The following TIAM1 variants were observed in gnomAD, a reference collection of about 807,000 sequenced individuals.
The protein encoded by TIAM1 is TIAM Rac1 associated GEF 1.
Under a neutral mutation model 163.5 loss-of-function variants are expected in TIAM1, and 65 were observed. That is an observed-to-expected ratio of 0.40 (90% CI 0.33 to 0.49). TIAM1 has a LOEUF of 0.49. Among genes scored for constraint, TIAM1 ranks in the 20% least tolerant of loss-of-function variants. The probability of loss-of-function intolerance (pLI) is 0.77; values close to 1 mark genes in which losing one functional copy is unlikely to be tolerated. For synonymous variants in TIAM1, 833 were observed against 810.1 expected (o/e 1.03, Z -0.48); for missense variants, 1,789 against 2,044.7 (o/e 0.87, Z 2.41).
intron 1 of TIAM1, among the ~76,000 whole-genome samples, chr21:31,489,336 C>G (rs1021530686): frequency 2.7e-5 from 3 of 110,872 alleles, no homozygotes; most frequent in Non-Finnish European, 5.2e-5. Context: ...CACCACTGCA[C>G]TCCAGTGTTG....
chr21:31,543,584 G>C (rs952991716), intron 1 of TIAM1, among the ~76,000 whole-genome samples: 60 of 152,316 alleles, frequency 3.9e-4, no homozygotes, highest in African/African-American at 1.4e-3. Flanking sequence ...GAGGAAAACT[G>C]TAAGAAGATG....
chr21:31,221,005 T>C (rs2087525483), intron 8 of TIAM1, among the ~76,000 whole-genome samples: 1 of 152,142 alleles, frequency 6.6e-6, no homozygotes, highest in African/African-American at 2.4e-5. Flanking sequence ...TACCCAGCCC[T>C]GTTACCCTCA....
chr21:31,282,517 T>C (rs998380850), intron 2 of TIAM1, among the ~76,000 whole-genome samples: 2 of 152,176 alleles, frequency 1.3e-5, no homozygotes, highest in African/African-American at 4.8e-5. Flanking sequence ...TCACAGCTGA[T>C]TGTAGCTGGG....
intron 2 of TIAM1, among the ~76,000 whole-genome samples, chr21:31,401,396 T>C (rs976493990): frequency 1.3e-5 from 2 of 152,136 alleles, no homozygotes; most frequent in Non-Finnish European, 2.9e-5. Flanking sequence ...AAGCTAACAC[T>C]AGGCAAGAAA....
intron 1 of TIAM1, among the ~76,000 whole-genome samples, chr21:31,543,839 T>A (rs1349218642): frequency 1.3e-5 from 2 of 152,190 alleles, no homozygotes; most frequent in Non-Finnish European, 2.9e-5. Flanking sequence ...AGGTGGCGTA[T>A]CAGAGCTAAG....
chr21:31,468,535 G>C (rs994269345), intron 1 of TIAM1, among the ~76,000 whole-genome samples: 8 of 151,304 alleles, frequency 5.3e-5, no homozygotes, highest in African/African-American at 1.9e-4. Flanking sequence ...CCAGCACTTT[G>C]GGAGACCAAA....
chr21:31,371,257 C>T (rs933698998), intron 2 of TIAM1, among the ~76,000 whole-genome samples: 6 of 152,164 alleles, frequency 3.9e-5, no homozygotes, highest in African/African-American at 4.8e-5. Flanking sequence ...CCGGTTCTGC[C>T]GACTCTCCTT....
chr21:31,154,145 A>C, intron 17 of TIAM1, 102 bp downstream of exon 17: 1 of 1,317,232 alleles, frequency 7.6e-7, no homozygotes, highest in East Asian at 2.4e-5. Context: ...GACGCTCTTC[A>C]TGAACACAGT....
chr21:31,295,338 C>T (rs557754058), intron 2 of TIAM1, among the ~76,000 whole-genome samples: 9 of 152,092 alleles, frequency 5.9e-5, no homozygotes, highest in East Asian at 3.9e-4. Context: ...GGCGTGGTGG[C>T]AGGCACCTGT....
chr21:31,382,046 A>G (rs973878236), intron 2 of TIAM1, among the ~76,000 whole-genome samples: 9 of 152,208 alleles, frequency 5.9e-5, no homozygotes, highest in Admixed American at 2.6e-4. Context: ...ACTGCCTAAG[A>G]CAAAGACCAA....
chr21:31,394,728 T>TCTTACA (rs1279053911), intron 2 of TIAM1, among the ~76,000 whole-genome samples: 1 of 95,704 alleles, frequency 1.0e-5, no homozygotes, highest in Non-Finnish European at 2.1e-5. Context: ...TCTCTCTCTC[T>TCTTACA]CACACACACA....
chr21:31,245,689 A>AGCT, intron 5 of TIAM1, 29 bp from the exon 6 acceptor site: 1 of 1,473,396 alleles, frequency 6.8e-7, no homozygotes, highest in South Asian at 1.5e-5. Context: ...GGTGTGCATG[A>AGCT]GTATTCAGTG....
At chr21:31,215,573 A>AAAG (rs1444028859) in intron 9 of TIAM1, among the ~76,000 whole-genome samples, 1 of 150,330 alleles carries the variant, frequency 6.7e-6, no homozygotes, top group African/African-American at 2.5e-5. Context: ...AAAAAGAAAA[A>AAAG]AAAAAAAAAA....
chr21:31,492,871 G>T (rs545905754), intron 1 of TIAM1, among the ~76,000 whole-genome samples: 75 of 150,874 alleles, frequency 5.0e-4, no homozygotes, highest in African/African-American at 1.8e-3. Context: ...GATTCCAAAA[G>T]AAGGTACATA....
intron 4 of TIAM1, among the ~76,000 whole-genome samples, chr21:31,253,274 A>T (rs1391868052): frequency 6.6e-6 from 1 of 152,242 alleles, no homozygotes; most frequent in African/African-American, 2.4e-5. Flanking sequence ...ATGCCAAAGT[A>T]ATACACAGTT....
At chr21:31,256,244 A>C (rs1475771130) in intron 4 of TIAM1, among the ~76,000 whole-genome samples, 1 of 152,166 alleles carries the variant, frequency 6.6e-6, no homozygotes, top group Non-Finnish European at 1.5e-5. Context: ...TGTGCTAATG[A>C]TGTGCGAACA....
intron 2 of TIAM1, among the ~76,000 whole-genome samples, chr21:31,376,117 C>T (rs1221372921): frequency 2.0e-5 from 3 of 152,154 alleles, no homozygotes; most frequent in Non-Finnish European, 4.4e-5. Context: ...ATTTCGTAAA[C>T]GATACTGCCA....
chr21:31,454,684 TAAGTA>T (rs1260437851), intron 2 of TIAM1, among the ~76,000 whole-genome samples: 1 of 152,074 alleles, frequency 6.6e-6, no homozygotes, highest in Non-Finnish European at 1.5e-5. Flanking sequence ...GTTGACCAAA[TAAGTA>T]AAGATATGAA....
At chr21:31,265,908 T>C in intron 4 of TIAM1, 102 bp downstream of exon 4, 1 of 1,496,556 alleles carries the variant, frequency 6.7e-7, no homozygotes, top group Non-Finnish European at 9.0e-7. Flanking sequence ...GCAAACAGGG[T>C]AAAACCCGAT....
Sources: gnomAD v4.1 joint callset for allele counts (sites outside exome capture counted in the v4.1 genomes callset) on GRCh38, gnomAD v4.1.1 for gene constraint, MANE v1.5 for transcripts, NCBI Gene and HGNC (gene_info 2026-07-23, HGNC 2026-07-21) for gene names.